The following PSMA1 variants were observed in gnomAD, a reference collection of about 807,000 sequenced individuals.
PSMA1 encodes proteasome subunit alpha type-1.
A neutral mutation model predicts 38.4 loss-of-function variants in PSMA1; 3 were observed. That is an observed-to-expected ratio of 0.08 (90% CI 0.04 to 0.20). The LOEUF (loss-of-function observed/expected upper bound fraction) is 0.20, where lower values mean the gene tolerates loss of function less well. Among genes scored for constraint, PSMA1 ranks in the 10% least tolerant of loss-of-function variants. The pLI is 1.00. For missense variants in PSMA1, 227 were observed against 325.3 expected, an observed-to-expected ratio of 0.70 and a Z score of 2.32; for synonymous variants, 101 against 107.1, an observed-to-expected ratio of 0.94 and a Z score of 0.35.
At position 14,517,758 on chromosome 11, in the gene PSMA1, A is replaced by G. The variant is rs753422418; in HGVS notation, c.151-13T>C. 1 of 1,537,758 alleles carries G rather than the reference A, an allele frequency of 6.5e-7. No individual in the cohort carries two copies. The highest frequency in any genetic ancestry group is 1.2e-5 in the South Asian group (1 of 82,760). On this transcript the variant is annotated splice_polypyrimidine_tract_variant and intron_variant, in intron 3 of 9. Coordinates refer to ENST00000396394, the MANE Select transcript of PSMA1 (RefSeq NM_002786.4). ...CTGATTGCGCCCTCTAAATAGAGAC[A>G]TTATAAGATGTAAAAAAAAAAAAAA...
intron 2 of PSMA1, among the ~76,000 whole-genome samples, chr11:14,604,096 T>C (rs571302462): frequency 1.3e-5 from 2 of 152,268 alleles, no homozygotes; most frequent in Admixed American, 1.3e-4. Flanking sequence ...CTGAGAGAGG[T>C]AGAGTTTGAA....
At chr11:14,585,939 G>A (rs574997372) in intron 2 of PSMA1, among the ~76,000 whole-genome samples, 1 of 152,194 alleles carries the variant, frequency 6.6e-6, no homozygotes, top group African/African-American at 2.4e-5. Context: ...TCAGGCATGG[G>A]ATTTCTCTTC....
At chr11:14,515,159 C>G (rs1457803739) in intron 4 of PSMA1, among the ~76,000 whole-genome samples, 1 of 152,220 alleles carries the variant, frequency 6.6e-6, no homozygotes, top group African/African-American at 2.4e-5. Flanking sequence ...CACATCTGAT[C>G]ATCACATGGT....
intron 2 of PSMA1, among the ~76,000 whole-genome samples, chr11:14,560,554 C>T (rs1222172528): frequency 6.6e-6 from 1 of 152,134 alleles, no homozygotes; most frequent in Non-Finnish European, 1.5e-5. Flanking sequence ...CAGTCAATCA[C>T]CAGGACCTCC....
rs140304538 is a variant in PSMA1 at position 14,621,738 on chromosome 11, A to C, written c.-165-10587T>G. 9.9e-3 allele frequency among the ~76,000 whole-genome samples: 1,514 copies of C among 152,292 alleles called. 15 individuals carry two copies. Among genetic ancestry groups the C allele is most frequent in the Non-Finnish European group, 0.012 (815 of 68,032 alleles). On this transcript the variant is annotated intron_variant, in intron 1 of 10. Coordinates refer to the PSMA1 transcript ENST00000418988. ...TCCTTGGAAACCTCACATTCTCAGA[A>C]AAATATTGCAGACTCTTTCACTTTA... is the stretch of plus-strand genomic sequence containing the variant.
chr11:14,550,091 T>C lies in PSMA1; in HGVS notation c.22-31050A>G, dbSNP rs16930276. ...TGAGATGCAATGGAGACCATATGAC[T>C]GCCCTCTGGGGTTATGACTGCATCT... On this transcript the variant is annotated intron_variant, in intron 2 of 10. Coordinates refer to the PSMA1 transcript ENST00000418988. Among the ~76,000 whole-genome samples, 861 of 152,296 alleles carry C rather than the reference T, an allele frequency of 5.7e-3. 8 individuals are homozygous for C. Among genetic ancestry groups the C allele is most frequent in the African/African-American group, 0.019 (804 of 41,568 alleles).
chr11:14,564,931 C>T (rs139882475), intron 2 of PSMA1, among the ~76,000 whole-genome samples: 213 of 152,096 alleles, frequency 1.4e-3, no homozygotes, highest in African/African-American at 4.7e-3. Context: ...GTACACATCA[C>T]CACGCTTGGC....
At chr11:14,638,399 A>G (rs1380612841) in intron 1 of PSMA1, among the ~76,000 whole-genome samples, 1 of 151,250 alleles carries the variant, frequency 6.6e-6, no homozygotes, top group East Asian at 1.9e-4. Context: ...TTAAGAAAAG[A>G]ATAGTCTTAC....
At position 14,629,095 on chromosome 11, in the gene PSMA1, A is replaced by C. The variant is rs915108705; in HGVS notation, c.-166+14360T>G. 2.5e-3 allele frequency among the ~76,000 whole-genome samples: 387 copies of C among 151,864 alleles called. 6 individuals are homozygous for C. In the East Asian group the frequency reaches 0.069, roughly 27 times the overall value. On this transcript the variant is annotated intron_variant, in intron 1 of 10. Coordinates refer to the PSMA1 transcript ENST00000418988. The stretch of plus-strand genomic sequence containing the variant: ...CTTTGTCAGATGAGTAGGTTGCGAA[A>C]ATTTTCTCCCATTTTGTAGGTTGTC...
At chr11:14,546,066 T>A (rs926856536) in intron 2 of PSMA1, among the ~76,000 whole-genome samples, 21 of 152,146 alleles carry the variant, frequency 1.4e-4, no homozygotes, top group African/African-American at 5.1e-4. Context: ...TAAAGAGAGT[T>A]AGTGAATGAG....
At chr11:14,640,329 C>G (rs1028987411) in intron 1 of PSMA1, among the ~76,000 whole-genome samples, 8 of 152,088 alleles carry the variant, frequency 5.3e-5, no homozygotes, top group Non-Finnish European at 8.8e-5. Context: ...AGTGGGGGCA[C>G]CCTAGAAGAA....
intron 2 of PSMA1, among the ~76,000 whole-genome samples, chr11:14,552,246 A>G (rs925471566): frequency 6.6e-6 from 1 of 152,236 alleles, no homozygotes; most frequent in Admixed American, 6.5e-5. Context: ...AGTCCGAAGC[A>G]TCACAAAAGC....
chr11:14,548,814 A>C (rs1438332843), intron 2 of PSMA1, among the ~76,000 whole-genome samples: 6 of 152,144 alleles, frequency 3.9e-5, no homozygotes, highest in Non-Finnish European at 8.8e-5. Context: ...CTGTGTAATA[A>C]ATATTTTATT....
intron 2 of PSMA1, among the ~76,000 whole-genome samples, chr11:14,565,827 A>G (rs1231305570): frequency 6.6e-6 from 1 of 152,224 alleles, no homozygotes; most frequent in Non-Finnish European, 1.5e-5. Context: ...TCTGTGGGGA[A>G]CTATAGTGTT....
chr11:14,570,765 G>C (rs1238967626), intron 2 of PSMA1, among the ~76,000 whole-genome samples: 1 of 152,238 alleles, frequency 6.6e-6, no homozygotes, highest in South Asian at 2.1e-4. Context: ...ATGGAACCAA[G>C]TTGGAAAACA....
At chr11:14,597,699 GC>G (rs1852517285) in intron 2 of PSMA1, among the ~76,000 whole-genome samples, 2 of 151,978 alleles carry the variant, frequency 1.3e-5, no homozygotes, top group Admixed American at 1.3e-4. Context: ...CAAAAAACCA[GC>G]CCCTAGATTC....
At chr11:14,635,763 C>T (rs1853106591) in intron 1 of PSMA1, among the ~76,000 whole-genome samples, 1 of 152,146 alleles carries the variant, frequency 6.6e-6, no homozygotes, top group African/African-American at 2.4e-5. Context: ...TTGTATGACT[C>T]ATTGAAGCCA....
At chr11:14,554,202 T>A (rs1019613499) in intron 2 of PSMA1, among the ~76,000 whole-genome samples, 6 of 152,184 alleles carry the variant, frequency 3.9e-5, no homozygotes, top group African/African-American at 1.4e-4. Flanking sequence ...CTTTGTCAGA[T>A]GTTTGGTTTA....
At chr11:14,530,674 C>T (rs774632652) in intron 2 of PSMA1, among the ~76,000 whole-genome samples, 2 of 152,032 alleles carry the variant, frequency 1.3e-5, no homozygotes, top group Admixed American at 6.6e-5. Flanking sequence ...GAGGCCAAGA[C>T]GGGCAGATCA....
Sources: allele counts gnomAD v4.1 joint callset (sites outside exome capture counted in the v4.1 genomes callset), GRCh38; gene constraint gnomAD v4.1.1; transcripts MANE v1.5; gene names NCBI Gene and HGNC (gene_info 2026-07-23, HGNC 2026-07-21).